PLB1: variants seen among roughly 807,000 people sequenced by gnomAD.
PLB1 encodes the protein phospholipase B1.
PLB1 carries 242 observed loss-of-function variants against 227.4 expected under a neutral mutation model. The ratio of observed to expected loss-of-function variants is 1.06; its 90% CI spans 0.96 to 1.18. The LOEUF is 1.18. PLB1 is among the 50% of genes most tolerant of loss of function. The probability of loss-of-function intolerance (pLI) is 0.00; values close to 1 mark genes in which losing one functional copy is unlikely to be tolerated. For synonymous variants in PLB1, 757 were observed against 682.2 expected, an observed-to-expected ratio of 1.11 and a Z score of -1.71; for missense variants, 1,858 against 1,816.3, an observed-to-expected ratio of 1.02 and a Z score of -0.42.
intron 4 of PLB1, among the ~76,000 whole-genome samples, chr2:28,522,871 G>C (rs1179590427): frequency 1.3e-5 from 2 of 152,178 alleles, no homozygotes; most frequent in South Asian, 4.1e-4. Context: ...AAGAGAGAGA[G>C]GGCCATCATG....
At chr2:28,506,598 A>C (rs1036789957) in intron 1 of PLB1, among the ~76,000 whole-genome samples, 4 of 152,198 alleles carry the variant, frequency 2.6e-5, no homozygotes, top group Non-Finnish European at 5.9e-5. Context: ...ACAAAAACTA[A>C]ACTGGTGGAG....
intron 17 of PLB1, 40 bp from the exon 18 acceptor site, chr2:28,563,001 G>T: frequency 1.3e-6 from 2 of 1,574,628 alleles, no homozygotes; most frequent in Non-Finnish European, 1.7e-6. Flanking sequence ...GTGCTTTCCT[G>T]GAAGCCCCAT....
intron 6 of PLB1, among the ~76,000 whole-genome samples, chr2:28,528,866 AG>A (rs1240163930): frequency 1.3e-5 from 2 of 151,244 alleles, no homozygotes; most frequent in Non-Finnish European, 2.9e-5. Context: ...AGTCCCAGGC[AG>A]GGTGTGAGGA....
Position 28,548,837 on chromosome 2 carries a change from C to T in PLB1, c.937-23C>T, listed in dbSNP as rs759787169. On this transcript the variant is annotated intron_variant, in intron 14 of 57. Transcript: ENST00000327757. The stretch of plus-strand genomic sequence containing the variant: ...GCTACCTGCACAAAACTTCCCTGTT[C>T]TAAAGCCCACGTTCCTTTCTAGATG... 1.5e-5 allele frequency: 25 copies of T among 1,613,502 alleles called. No individual in the cohort carries two copies. The South Asian group carries it at 2.4e-4, about 16-fold the overall frequency.
At chr2:28,543,327 C>T in intron 14 of PLB1, 59 bp downstream of exon 14, 2 of 1,556,576 alleles carry the variant, frequency 1.3e-6, no homozygotes. Context: ...TCCACCACCA[C>T]TGAGCCCACC....
At chr2:28,611,600 C>G (rs1685471146) in intron 43 of PLB1, among the ~76,000 whole-genome samples, 1 of 152,218 alleles carries the variant, frequency 6.6e-6, no homozygotes. Flanking sequence ...TCTCTCTCCT[C>G]CTCTCATCCT....
chr2:28,509,734 C>T (rs763433891), intron 1 of PLB1, among the ~76,000 whole-genome samples: 5 of 152,192 alleles, frequency 3.3e-5, no homozygotes, highest in Non-Finnish European at 7.3e-5. Flanking sequence ...TTCATATATC[C>T]ATGGGCTTGA....
At chr2:28,505,524 T>C (rs1177954951) in intron 1 of PLB1, among the ~76,000 whole-genome samples, 25 of 152,230 alleles carry the variant, frequency 1.6e-4, no homozygotes, top group Admixed American at 1.6e-3. Flanking sequence ...GTCATGCCTG[T>C]GGGAAAAACT....
At chr2:28,604,181 G>T (rs528061063) in intron 40 of PLB1, 134 bp downstream of exon 40, 6 of 800,182 alleles carry the variant, frequency 7.5e-6, no homozygotes, top group Non-Finnish European at 1.2e-5. Flanking sequence ...GAGCAGCCTG[G>T]GTGCCTTCCT....
rs71443024 is a variant in PLB1, at chr2:28,516,890, G to A, written c.117+21G>A. The A allele has an allele frequency of 1.9e-6, 3 of 1,610,154 alleles. No individual in the cohort carries two copies. In the South Asian group the frequency reaches 3.3e-5, roughly 18 times the overall value. ...CAGAGGTAAGGGCTTTGGCTGGTGG[G>A]AGGTGCGTGTGTATGGAGGGGAGAG... On this transcript the variant is annotated intron_variant, in intron 2 of 57. Transcript: ENST00000327757.
intron 31 of PLB1, among the ~76,000 whole-genome samples, chr2:28,592,281 C>T (rs1000065831): frequency 2.0e-5 from 3 of 152,214 alleles, no homozygotes; most frequent in African/African-American, 4.8e-5. Flanking sequence ...GTTTGATGCC[C>T]GTCTAGTTGT....
At chr2:28,636,177 G>C (rs1689339194) in intron 56 of PLB1, among the ~76,000 whole-genome samples, 1 of 152,184 alleles carries the variant, frequency 6.6e-6, no homozygotes, top group South Asian at 2.1e-4. Context: ...TCCTGCCTCA[G>C]TCTCCCAAGT....
rs1464921991 is a variant in PLB1, at chr2:28,563,110, C to G, written c.1206+11C>G. On this transcript the variant is annotated intron_variant, in intron 18 of 57. Transcript: ENST00000327757. ...GGTGACTCTCTCACGGTAAGTGACC[C>G]TGATGCAGAAGGGGCAGGAGGGGAA... is the stretch of plus-strand genomic sequence containing the variant. 1.2e-6 allele frequency: 2 copies of G among 1,609,742 alleles called. No individual in the cohort carries two copies. Among genetic ancestry groups the G allele is most frequent in the Non-Finnish European group, 1.7e-6 (2 of 1,176,166 alleles).
chr2:28,550,467 C>T (rs199634954), intron 16 of PLB1, among the ~76,000 whole-genome samples: 4 of 151,568 alleles, frequency 2.6e-5, no homozygotes, highest in East Asian at 1.9e-4. Context: ...TGAGCCACGG[C>T]GCCCAGCCTG....
At chr2:28,575,276 CA>C (rs1313286531) in intron 21 of PLB1, among the ~76,000 whole-genome samples, 1 of 152,168 alleles carries the variant, frequency 6.6e-6, no homozygotes, top group African/African-American at 2.4e-5. Context: ...TTATGTTGAG[CA>C]TTTTTTAATG....
At chr2:28,602,385 A>G (rs904662441) in intron 38 of PLB1, among the ~76,000 whole-genome samples, 12 of 152,322 alleles carry the variant, frequency 7.9e-5, no homozygotes, top group African/African-American at 2.9e-4. Context: ...TCTTCTGGCA[A>G]GGACAAGCTG....
chr2:28,501,336 C>T (rs1486796656), intron 1 of PLB1, among the ~76,000 whole-genome samples: 1 of 152,164 alleles, frequency 6.6e-6, no homozygotes, highest in Non-Finnish European at 1.5e-5. Context: ...AAATGAAGTT[C>T]AAAATTCCTT....
At chr2:28,617,835 A>C in intron 45 of PLB1, 48 bp downstream of exon 45, 1 of 1,566,570 alleles carries the variant, frequency 6.4e-7, no homozygotes, top group East Asian at 2.2e-5. Flanking sequence ...CTTGCCGAAT[A>C]TCAGGTTGTG....
intron 53 of PLB1, 22 bp from the exon 54 acceptor site, chr2:28,630,564 T>TACA (rs778444573): frequency 1.2e-6 from 2 of 1,608,836 alleles, no homozygotes; most frequent in Admixed American, 3.3e-5. Context: ...GCAGCCTCAA[T>TACA]ACAACACTCC....
Sources: gnomAD v4.1 joint callset for allele counts (sites outside exome capture counted in the v4.1 genomes callset) on GRCh38, gnomAD v4.1.1 for gene constraint, MANE v1.5 for transcripts, NCBI Gene and HGNC (gene_info 2026-07-23, HGNC 2026-07-21) for gene names.